SARDH: variants seen among roughly 807,000 people sequenced by gnomAD.
SARDH encodes sarcosine dehydrogenase.
Under a neutral mutation model 109.1 loss-of-function variants are expected in SARDH, and 95 were observed. The ratio of observed to expected loss-of-function variants is 0.87; its 90% CI spans 0.74 to 1.03. The LOEUF (loss-of-function observed/expected upper bound fraction) is 1.03. Among genes scored for constraint, SARDH ranks in the 50% least tolerant of loss-of-function variants. The pLI is 0.00. For synonymous variants in SARDH, 572 were observed against 534.8 expected, an observed-to-expected ratio of 1.07 and a Z score of -0.96; for missense variants, 1,267 against 1,287.8, an observed-to-expected ratio of 0.98 and a Z score of 0.25.
intron 15 of SARDH, among the ~76,000 whole-genome samples, chr9:133,690,845 G>A (rs935730350): frequency 8.5e-5 from 13 of 152,118 alleles, no homozygotes; most frequent in Admixed American, 8.5e-4. Flanking sequence ...AGGCCAGCCT[G>A]GCCCAGATGC....
intron 20 of SARDH, 78 bp from the exon 21 acceptor site, chr9:133,664,092 G>T (rs975291940): frequency 4.5e-6 from 7 of 1,556,772 alleles, no homozygotes; most frequent in Non-Finnish European, 5.2e-6. Context: ...CTCTGGAGGA[G>T]GGGGTCTTGG....
intron 6 of SARDH, chr9:133,725,471 G>A (rs995396861): frequency 1.2e-5 from 5 of 403,094 alleles, no homozygotes; most frequent in African/African-American, 2.1e-5. Context: ...TCAGGAGTTC[G>A]AGACCAGCCT....
chr9:133,724,479 G>A (rs1402066534), intron 6 of SARDH, among the ~76,000 whole-genome samples: 1 of 152,076 alleles, frequency 6.6e-6, no homozygotes, highest in Admixed American at 6.5e-5. Flanking sequence ...ACACCTTCTA[G>A]GATGACCGGC....
intron 6 of SARDH, among the ~76,000 whole-genome samples, chr9:133,724,368 C>A (rs545595014): frequency 6.6e-6 from 1 of 152,324 alleles, no homozygotes; most frequent in Admixed American, 6.5e-5. Context: ...GTAACCATTT[C>A]TCCAAAGAAG....
At chr9:133,663,101 C>T (rs188589968), downstream of SARDH, among the ~76,000 whole-genome samples, 1 of 152,340 alleles carries the variant, frequency 6.6e-6, no homozygotes, top group East Asian at 1.9e-4. Flanking sequence ...AGACAAAGGT[C>T]ACCTAGAAAG....
chr9:133,692,889 G>A lies in SARDH; in HGVS notation c.1921+1369C>T, dbSNP rs533972287. Among the ~76,000 whole-genome samples, 7 of 152,204 alleles carry A rather than the reference G, an allele frequency of 4.6e-5. No individual in the cohort carries two copies. The South Asian group carries it at 1.2e-3, about 27-fold the overall frequency. ...GAGGGAAGGGGTGGGCGAGCTCTGCGCACCCCATAGGACCCCTCACTCACG... is the reference window on the plus strand; with the variant it reads ...GAGGGAAGGGGTGGGCGAGCTCTGCACACCCCATAGGACCCCTCACTCACG... On this transcript the variant is annotated intron_variant, in intron 15 of 20. Coordinates refer to ENST00000439388, the MANE Select transcript of SARDH (RefSeq NM_001134707.2). The surrounding 1 kb of genome is among the most constrained non-coding windows in gnomAD (Gnocchi z 5.0).
At chr9:133,713,871 A>G (rs28526121) in intron 8 of SARDH, among the ~76,000 whole-genome samples, 6,719 of 152,342 alleles carry the variant, frequency 0.044, 510 homozygotes, top group African/African-American at 0.15. Flanking sequence ...TGCGCTCGCC[A>G]GCCTACAGAC....
rs959253623 is a variant in SARDH, at chr9:133,671,717, C to T, written c.2164-20G>A. The stretch of plus-strand genomic sequence containing the variant: ...TCGGACCTGGGGGACAAGGTCATGG[C>T]TTAGATGTGGCCATGTAAGATGGCT... On this transcript the variant is annotated intron_variant, in intron 17 of 20. Transcript: ENST00000439388. 6 of 1,553,842 alleles carry T rather than the reference C, an allele frequency of 3.9e-6. No individual in the cohort carries two copies. The African/African-American group carries it at 8.2e-5, about 21-fold the overall frequency.
chr9:133,713,211 A>T, intron 8 of SARDH, 87 bp from the exon 9 acceptor site: 1 of 1,176,844 alleles, frequency 8.5e-7, no homozygotes, highest in Non-Finnish European at 1.2e-6. Context: ...GTGATCAGGC[A>T]GGGTCTGCAG....
At chr9:133,679,554 C>T (rs776155287) in intron 17 of SARDH, among the ~76,000 whole-genome samples, 4 of 152,238 alleles carry the variant, frequency 2.6e-5, no homozygotes, top group Admixed American at 6.5e-5. Flanking sequence ...CTGGGAACAC[C>T]GTGTCTGGCC....
At chr9:133,729,148 C>CAG (rs1209188583) in intron 6 of SARDH, among the ~76,000 whole-genome samples, 4 of 151,562 alleles carry the variant, frequency 2.6e-5, no homozygotes, top group Non-Finnish European at 5.9e-5. Flanking sequence ...GAGGGCTGGA[C>CAG]AGAGAGAGGA....
chr9:133,732,326 A>AC (rs1168947411), intron 3 of SARDH, 97 bp downstream of exon 3: 9 of 497,206 alleles, frequency 1.8e-5, no homozygotes, highest in African/African-American at 5.3e-5. Flanking sequence ...AGCCCACCCT[A>AC]CCCCCCCACA....
intron 13 of SARDH, 133 bp from the exon 14 acceptor site, chr9:133,696,494 C>A: frequency 9.0e-7 from 1 of 1,111,102 alleles, no homozygotes; most frequent in Non-Finnish European, 1.3e-6. Context: ...CAGCCCGCAC[C>A]AAGCCCTTCT....
At chr9:133,730,902 G>A (rs181952158) in intron 4 of SARDH, among the ~76,000 whole-genome samples, 5 of 152,256 alleles carry the variant, frequency 3.3e-5, no homozygotes, top group East Asian at 3.9e-4. Context: ...GCATGAACCC[G>A]GGAGGCAGAG....
Position 133,670,655 on chromosome 9 carries a change from C to T in SARDH, c.2424G>A (p.Leu808=). The T allele has an allele frequency of 6.3e-7, 1 of 1,594,894 alleles. No homozygotes were observed. Among genetic ancestry groups the T allele is most frequent in the Non-Finnish European group, 8.5e-7 (1 of 1,171,624 alleles). ...GCTGCTGCTCCAGGGCCTCCCTCCC[C>T]AGGAAGGGCACCGGCGACTTGAGCT... The part of the protein sequence containing the change: ...TCKLKSPVPF[L]GREALEQQRA... The change falls in exon 19 of 21, where the codon CTG becomes CTA. Residue 808 remains leucine, a synonymous_variant. Coordinates refer to ENST00000439388, the MANE Select transcript of SARDH (RefSeq NM_001134707.2).
At chr9:133,702,428 C>T (rs1831521793) in intron 13 of SARDH, among the ~76,000 whole-genome samples, 1 of 152,220 alleles carries the variant, frequency 6.6e-6, no homozygotes, top group African/African-American at 2.4e-5. Flanking sequence ...AGGCCACGGC[C>T]CTCCCGGCTC....
chr9:133,690,361 G>A lies in SARDH; in HGVS notation c.2069+19C>T. The A allele has an allele frequency of 1.3e-6, 2 of 1,597,910 alleles. No homozygotes were observed. The highest frequency in any genetic ancestry group is 1.7e-6 in the Non-Finnish European group (2 of 1,169,184). ...AGGCAGCAGGTGCACCCAGGGGCGGGCTCCCAGTCCTCTCTCACCTGGCTG... is the reference window on the plus strand; with the variant it reads ...AGGCAGCAGGTGCACCCAGGGGCGGACTCCCAGTCCTCTCTCACCTGGCTG... On this transcript the variant is annotated intron_variant, in intron 16 of 20. Transcript: ENST00000439388.
rs1831151780 is a variant in SARDH, at chr9:133,692,872, G to A, written c.1921+1386C>T. ...CACGTCGCCAACGGCAGGAGGGAAG[G>A]GGTGGGCGAGCTCTGCGCACCCCAT... On this transcript the variant is annotated intron_variant, in intron 15 of 20. Transcript: ENST00000439388. The surrounding 1 kb of genome is among the most constrained non-coding windows in gnomAD (Gnocchi z 5.0). Among the ~76,000 whole-genome samples the A allele has an allele frequency of 6.6e-6, 1 of 152,138 alleles. No individual in the cohort carries two copies. Among genetic ancestry groups the A allele is most frequent in the South Asian group, 2.1e-4 (1 of 4,820 alleles).
intron 12 of SARDH, 143 bp from the exon 13 acceptor site, chr9:133,703,172 T>G: frequency 1.4e-6 from 1 of 700,608 alleles, no homozygotes; most frequent in South Asian, 1.7e-5. Flanking sequence ...CCGTGTGTTG[T>G]GGACGCGGGC....
Sources: allele counts gnomAD v4.1 joint callset (sites outside exome capture counted in the v4.1 genomes callset), GRCh38; gene constraint gnomAD v4.1.1; non-coding constraint Gnocchi (gnomAD v3.1); transcripts MANE v1.5; gene names NCBI Gene and HGNC (gene_info 2026-07-23, HGNC 2026-07-21).